Variants in GABRB2 observed in about 807,000 individuals in gnomAD.
GABRB2 encodes the protein gamma-aminobutyric acid type A receptor subunit beta2.
GABRB2 carries 16 observed loss-of-function variants against 54.7 expected under a neutral mutation model. The ratio of observed to expected loss-of-function variants is 0.29; its 90% CI spans 0.20 to 0.44. The LOEUF is 0.44. Among genes scored for constraint, GABRB2 ranks in the 20% least tolerant of loss-of-function variants. The probability of loss-of-function intolerance (pLI) is 1.00; values close to 1 mark genes in which losing one functional copy is unlikely to be tolerated. For missense variants in GABRB2, 355 were observed against 644.0 expected, an observed-to-expected ratio of 0.55 and a Z score of 4.86; for synonymous variants, 244 against 233.8, an observed-to-expected ratio of 1.04 and a Z score of -0.40.
At chr5:161,417,281 T>C (rs1054518166) in intron 4 of GABRB2, among the ~76,000 whole-genome samples, 3 of 152,234 alleles carry the variant, frequency 2.0e-5, no homozygotes, top group African/African-American at 7.2e-5. Flanking sequence ...AACATATTAA[T>C]TGATCACTTA....
At chr5:161,465,267 A>G (rs1439667607) in intron 3 of GABRB2, among the ~76,000 whole-genome samples, 2 of 152,076 alleles carry the variant, frequency 1.3e-5, no homozygotes, top group African/African-American at 4.8e-5. Flanking sequence ...AAAAAAAGGT[A>G]GAGTTATGCT....
intron 3 of GABRB2, among the ~76,000 whole-genome samples, chr5:161,504,949 C>G (rs1759559336): frequency 6.6e-6 from 1 of 151,838 alleles, no homozygotes; most frequent in African/African-American, 2.4e-5. Flanking sequence ...AATATTATTC[C>G]AAATGAAAAA....
chr5:161,322,524 C>T (rs956481785), intron 9 of GABRB2, among the ~76,000 whole-genome samples: 2 of 152,202 alleles, frequency 1.3e-5, no homozygotes, highest in Non-Finnish European at 2.9e-5. Flanking sequence ...GTGTGAATCA[C>T]TGTGCCCGGA....
chr5:161,446,214 T>G lies in GABRB2; in HGVS notation c.458+13410A>C, dbSNP rs73800514. On this transcript the variant is annotated intron_variant, in intron 4 of 9. Coordinates refer to ENST00000393959, the MANE Select transcript of GABRB2 (RefSeq NM_001371727.1). ...GGATTATATGTAGCTTATTCACTACTGTACCTTCTATCTTCCACCTAGAGC... is the reference window on the plus strand; with the variant it reads ...GGATTATATGTAGCTTATTCACTACGGTACCTTCTATCTTCCACCTAGAGC... Among the ~76,000 whole-genome samples the G allele has an allele frequency of 4.9e-3, 741 of 152,282 alleles. 10 individuals are homozygous for G. Among genetic ancestry groups the G allele is most frequent in the African/African-American group, 0.016 (671 of 41,566 alleles).
At chr5:161,483,188 G>A (rs1243335497) in intron 3 of GABRB2, among the ~76,000 whole-genome samples, 1 of 151,964 alleles carries the variant, frequency 6.6e-6, no homozygotes, top group Non-Finnish European at 1.5e-5. Context: ...ACCTTGAGAC[G>A]TGATAACATA....
intron 4 of GABRB2, among the ~76,000 whole-genome samples, chr5:161,421,195 A>G (rs762481077): frequency 3.3e-5 from 5 of 152,146 alleles, no homozygotes; most frequent in Non-Finnish European, 7.3e-5. Flanking sequence ...CCAGAAGCAG[A>G]CCCTGAAGGA....
At chr5:161,317,569 A>T (rs979772888) in intron 9 of GABRB2, among the ~76,000 whole-genome samples, 4 of 152,186 alleles carry the variant, frequency 2.6e-5, no homozygotes, top group African/African-American at 9.7e-5. Flanking sequence ...GTCTCAGAAA[A>T]ATTTAGAAGA....
chr5:161,409,038 A>G (rs1374817745), intron 5 of GABRB2, among the ~76,000 whole-genome samples: 1 of 152,108 alleles, frequency 6.6e-6, no homozygotes, highest in Non-Finnish European at 1.5e-5. Flanking sequence ...CTCTGTAGCA[A>G]TGATTTGTTA....
chr5:161,479,304 TACCC>T (rs1758686076), intron 3 of GABRB2, among the ~76,000 whole-genome samples: 1 of 152,060 alleles, frequency 6.6e-6, no homozygotes, highest in Non-Finnish European at 1.5e-5. Context: ...TGAAGTGGAA[TACCC>T]TCCTTTGGCG....
chr5:161,418,714 G>A (rs1756755682), intron 4 of GABRB2, among the ~76,000 whole-genome samples: 1 of 152,074 alleles, frequency 6.6e-6, no homozygotes, highest in African/African-American at 2.4e-5. Context: ...CCTATAGAAT[G>A]GGAGAAAATG....
chr5:161,330,675 T>A, intron 8 of GABRB2: 1 of 618,782 alleles, frequency 1.6e-6, no homozygotes, highest in African/African-American at 1.8e-5. Flanking sequence ...TCACTCCTCT[T>A]GTTAATGGAA....
chr5:161,418,575 T>G (rs1408864492), intron 4 of GABRB2, among the ~76,000 whole-genome samples: 3 of 152,162 alleles, frequency 2.0e-5, no homozygotes, highest in Non-Finnish European at 4.4e-5. Context: ...TTCTTGACCC[T>G]TGATCTAGGC....
chr5:161,323,419 G>A (rs1185306585), intron 9 of GABRB2, among the ~76,000 whole-genome samples: 2 of 152,132 alleles, frequency 1.3e-5, no homozygotes, highest in African/African-American at 2.4e-5. Context: ...TCGCATAGCT[G>A]TCATGCTGTT....
intron 3 of GABRB2, among the ~76,000 whole-genome samples, chr5:161,540,581 C>T (rs1431516016): frequency 1.3e-5 from 2 of 152,136 alleles, no homozygotes; most frequent in Non-Finnish European, 2.9e-5. Context: ...AGAAGGTTTT[C>T]AATACTTTGC....
chr5:161,415,888 C>T (rs187893359), intron 4 of GABRB2, among the ~76,000 whole-genome samples: 1 of 152,014 alleles, frequency 6.6e-6, no homozygotes, highest in African/African-American at 2.4e-5. Flanking sequence ...GCTAGGATTA[C>T]AGGCGTGATC....
At chr5:161,365,657 T>C (rs1754950960) in intron 5 of GABRB2, among the ~76,000 whole-genome samples, 1 of 152,180 alleles carries the variant, frequency 6.6e-6, no homozygotes, top group Non-Finnish European at 1.5e-5. Context: ...GATGAAGAAT[T>C]AGAAACATGG....
chr5:161,348,183 T>G (rs1432920745), intron 5 of GABRB2, among the ~76,000 whole-genome samples: 3 of 152,064 alleles, frequency 2.0e-5, no homozygotes, highest in African/African-American at 7.2e-5. Flanking sequence ...ACAAAATAAT[T>G]TTATGTGGGT....
chr5:161,385,940 A>G (rs1258727876), intron 5 of GABRB2, among the ~76,000 whole-genome samples: 1 of 135,062 alleles, frequency 7.4e-6, no homozygotes, highest in Non-Finnish European at 1.6e-5. Context: ...ACTGTTACCT[A>G]TTGTCTGGTG....
intron 9 of GABRB2, among the ~76,000 whole-genome samples, chr5:161,303,975 T>C (rs1313630355): frequency 6.6e-6 from 1 of 152,220 alleles, no homozygotes; most frequent in East Asian, 1.9e-4. Flanking sequence ...TGTGTCTTGT[T>C]GCTTAAGTAT....
Sources: allele counts gnomAD v4.1 joint callset (sites outside exome capture counted in the v4.1 genomes callset), GRCh38; gene constraint gnomAD v4.1.1; transcripts MANE v1.5; gene names NCBI Gene and HGNC (gene_info 2026-07-23, HGNC 2026-07-21).